NEMP2: variants seen among roughly 807,000 people sequenced by gnomAD.
The protein encoded by NEMP2 is nuclear envelope integral membrane protein 2.
NEMP2 carries 53 observed loss-of-function variants against 54.2 expected under a neutral mutation model. The ratio of observed to expected loss-of-function variants is 0.98; its 90% confidence interval spans 0.78 to 1.23. The LOEUF (loss-of-function observed/expected upper bound fraction) is 1.23. NEMP2 is among the 50% of genes most tolerant of loss of function. NEMP2 has a pLI of 0.00. For missense variants in NEMP2, 455 were observed against 511.3 expected (o/e 0.89, Z 1.06); for synonymous variants, 197 against 190.3 (o/e 1.04, Z -0.29).
At chr2:190,487,261 A>T in the NEMP2 span, among the ~76,000 whole-genome samples, 1 of 152,304 alleles carries the variant, frequency 6.6e-6, no homozygotes, top group East Asian at 1.9e-4. This position sits in a 1 kb window ranked among gnomAD's most constrained non-coding sequence, Gnocchi z 5.5. Context: ...GGATCGCTTG[A>T]ACCCAGGAAG....
chr2:190,612,237 C>T, the NEMP2 span, among the ~76,000 whole-genome samples: 1 of 147,878 alleles, frequency 6.8e-6, no homozygotes, highest in African/African-American at 2.5e-5. Flanking sequence ...CTCACTGTAA[C>T]CTCTGCCTCC....
chr2:190,455,035 A>G, the NEMP2 span, among the ~76,000 whole-genome samples: 1 of 147,876 alleles, frequency 6.8e-6, no homozygotes, highest in African/African-American at 2.6e-5. Flanking sequence ...GTTGGTAAGC[A>G]GATCCACCAT....
chr2:190,617,453 T>C, the NEMP2 span, among the ~76,000 whole-genome samples: 1 of 152,188 alleles, frequency 6.6e-6, no homozygotes, highest in African/African-American at 2.4e-5. This position sits in a 1 kb window ranked among gnomAD's most constrained non-coding sequence, Gnocchi z 5.0. Flanking sequence ...CATTAAAGAA[T>C]ACCAGGATTT....
Position 190,531,625 on chromosome 2 carries a change from C to T in NEMP2, c.97+2934G>A, listed in dbSNP as rs965381526. Reference sequence around the variant, plus strand: ...AGATTCCTTAGTTCATTTTAAATACCACTCAATTTATGAATATTCAATTAA... The same window carrying T: ...AGATTCCTTAGTTCATTTTAAATACTACTCAATTTATGAATATTCAATTAA... On this transcript the variant is annotated intron_variant, in intron 1 of 8. Transcript: ENST00000409150. This position sits in a 1 kb window ranked among gnomAD's most constrained non-coding sequence, Gnocchi z 4.7. 1.3e-5 allele frequency among the ~76,000 whole-genome samples: 2 copies of T among 152,000 alleles called. No homozygotes were observed. The highest frequency in any genetic ancestry group is 2.9e-5 in the Non-Finnish European group (2 of 68,000).
chr2:190,460,584 A>T, the NEMP2 span, among the ~76,000 whole-genome samples: 8 of 152,374 alleles, frequency 5.3e-5, no homozygotes, highest in African/African-American at 1.7e-4. Flanking sequence ...AAAATGAGCC[A>T]GCATAATATG....
At chr2:190,518,393 A>T (rs1379210779) in intron 4 of NEMP2, among the ~76,000 whole-genome samples, 1 of 152,234 alleles carries the variant, frequency 6.6e-6, no homozygotes, top group Non-Finnish European at 1.5e-5. Flanking sequence ...ACCAGGGAAC[A>T]AATCTCCAGC....
At chr2:190,637,620 G>A in the NEMP2 span, among the ~76,000 whole-genome samples, 3 of 152,186 alleles carry the variant, frequency 2.0e-5, no homozygotes, top group Non-Finnish European at 4.4e-5. This position sits in a 1 kb window ranked among gnomAD's most constrained non-coding sequence, Gnocchi z 4.5. Flanking sequence ...TGCACTTCCT[G>A]AGTCTATTAA....
chr2:190,428,318 G>A, the NEMP2 span, among the ~76,000 whole-genome samples: 2 of 152,050 alleles, frequency 1.3e-5, no homozygotes, highest in East Asian at 1.9e-4. Context: ...GATGTCTTTC[G>A]GTGAATATAC....
the NEMP2 span, among the ~76,000 whole-genome samples, chr2:190,490,964 T>C: frequency 4.3e-4 from 65 of 152,232 alleles, no homozygotes; most frequent in Non-Finnish European, 1.5e-4. This position sits in a 1 kb window ranked among gnomAD's most constrained non-coding sequence, Gnocchi z 4.5. Context: ...ATGGATTCTC[T>C]CTCTTACACA....
chr2:190,621,723 G>A, the NEMP2 span, among the ~76,000 whole-genome samples: 1 of 152,174 alleles, frequency 6.6e-6, no homozygotes, highest in Non-Finnish European at 1.5e-5. Context: ...AGAATTGAGA[G>A]TCTGGAAAGA....
the NEMP2 span, among the ~76,000 whole-genome samples, chr2:190,587,092 A>G: frequency 6.6e-6 from 1 of 152,152 alleles, no homozygotes; most frequent in Non-Finnish European, 1.5e-5. The surrounding 1 kb of genome is among the most constrained non-coding windows in gnomAD (Gnocchi z 5.4). Context: ...CCACTCCCAC[A>G]TTGCTGCTAG....
intron 1 of NEMP2, among the ~76,000 whole-genome samples, chr2:190,532,496 C>A (rs1246451589): frequency 2.6e-5 from 4 of 152,198 alleles, no homozygotes; most frequent in Non-Finnish European, 4.4e-5. Flanking sequence ...ACCTCACTAA[C>A]TGGGTGAAAA....
chr2:190,538,152 C>A (rs928554753), upstream of NEMP2, among the ~76,000 whole-genome samples: 2 of 151,934 alleles, frequency 1.3e-5, no homozygotes, highest in Non-Finnish European at 2.9e-5. This position sits in a 1 kb window ranked among gnomAD's most constrained non-coding sequence, Gnocchi z 4.1. Flanking sequence ...CCTCTGGTAA[C>A]CACCAACCTA....
Position 190,534,703 on chromosome 2 carries a change from C to G in NEMP2, c.-48G>C, listed in dbSNP as rs1477192179. 6 of 1,227,252 alleles carry G rather than the reference C, an allele frequency of 4.9e-6. 1 individual carries two copies. The South Asian group carries it at 1.7e-4, about 35-fold the overall frequency. 76.0% of individuals were successfully genotyped at this position (1,227,252 alleles called of 1,614,324 possible). On this transcript the variant is annotated 5_prime_UTR_variant, in exon 1 of 9. Transcript: ENST00000409150. ...CGACCCGAGCCCTAGGGGACCGGCT[C>G]CGCTGCGAGGAGCGGAAGTGGCGCG...
chr2:190,605,233 C>A, the NEMP2 span, among the ~76,000 whole-genome samples: 1 of 152,138 alleles, frequency 6.6e-6, no homozygotes, highest in Non-Finnish European at 1.5e-5. Flanking sequence ...AATTCCTTGG[C>A]ATGGTATAGA....
chr2:190,477,527 A>G, the NEMP2 span: 6 of 209,684 alleles, frequency 2.9e-5, no homozygotes, highest in East Asian at 1.1e-3. Flanking sequence ...CGGTTAAAGA[A>G]CAACAGAATA....
At chr2:190,639,652 TTTTG>T in the NEMP2 span, among the ~76,000 whole-genome samples, 1 of 148,128 alleles carries the variant, frequency 6.8e-6, no homozygotes, top group East Asian at 2.0e-4. Flanking sequence ...TTTTTTTGTT[TTTTG>T]TTTTTGTTTT....
the NEMP2 span, chr2:190,436,861 G>T: frequency 4.3e-6 from 7 of 1,614,230 alleles, no homozygotes; most frequent in Non-Finnish European, 5.1e-6. The surrounding 1 kb of genome is among the most constrained non-coding windows in gnomAD (Gnocchi z 5.3). Flanking sequence ...AGTCATGCTT[G>T]TTTATGATCA....
the NEMP2 span, among the ~76,000 whole-genome samples, chr2:190,457,941 A>G: frequency 6.6e-6 from 1 of 152,344 alleles, no homozygotes; most frequent in Middle Eastern, 3.4e-3. This position sits in a 1 kb window ranked among gnomAD's most constrained non-coding sequence, Gnocchi z 5.1. Context: ...AGCAAATAGC[A>G]ATTCATGAAA....
Sources: allele counts gnomAD v4.1 joint callset (sites outside exome capture counted in the v4.1 genomes callset), GRCh38; gene constraint gnomAD v4.1.1; non-coding constraint Gnocchi (gnomAD v3.1); transcripts MANE v1.5; gene names NCBI Gene and HGNC (gene_info 2026-07-23, HGNC 2026-07-21).